SNAP47: variants seen among roughly 807,000 people sequenced by gnomAD.
The protein encoded by SNAP47 is synaptosomal-associated protein 47.
Under a neutral mutation model 31.4 loss-of-function variants are expected in SNAP47, and 20 were observed. The ratio of observed to expected loss-of-function variants is 0.64; its 90% confidence interval spans 0.45 to 0.93. The LOEUF (loss-of-function observed/expected upper bound fraction) is 0.93. SNAP47 is among the 40% of genes least tolerant of loss of function. SNAP47 has a pLI of 0.00. For synonymous variants in SNAP47, 194 were observed against 213.4 expected, an observed-to-expected ratio of 0.91 and a Z score of 0.79; for missense variants, 492 against 528.5, an observed-to-expected ratio of 0.93 and a Z score of 0.68.
chr1:227,759,785 AT>A (rs1662946107), intron 3 of SNAP47: 1 of 409,516 alleles, frequency 2.4e-6, no homozygotes, highest in African/African-American at 2.0e-5. Context: ...TCATGTGGAA[AT>A]TTGGTCGCCA....
At chr1:227,735,284 A>G (rs137953615), upstream of SNAP47, 319 of 1,606,366 alleles carry the variant, frequency 2.0e-4, no homozygotes, top group Admixed American at 7.5e-4. Context: ...CCAGCTCAGC[A>G]CGGGTCGAAG....
chr1:227,764,209 G>T (rs1225336441), intron 3 of SNAP47, among the ~76,000 whole-genome samples: 1 of 152,204 alleles, frequency 6.6e-6, no homozygotes, highest in Admixed American at 6.5e-5. Flanking sequence ...TTTCCTGGAA[G>T]AAATGTTAAA....
upstream of SNAP47, chr1:227,735,120 T>C (rs1395210219): frequency 6.3e-7 from 1 of 1,578,742 alleles, no homozygotes; most frequent in Non-Finnish European, 8.6e-7. Context: ...CAGGGCAGGT[T>C]GGGCAGCAAG....
chr1:227,734,587 A>C, upstream of SNAP47: 4 of 1,531,582 alleles, frequency 2.6e-6, no homozygotes, highest in Non-Finnish European at 3.6e-6. Flanking sequence ...CTTCATCAGA[A>C]AGGCCTCTGG....
At chr1:227,730,829 G>A (rs1660592997), upstream of SNAP47, 2 of 152,338 alleles carry the variant, frequency 1.3e-5, no homozygotes, top group African/African-American at 2.4e-5. Flanking sequence ...CCCTCATCAT[G>A]ACAGAAGCTG....
Position 227,761,625 on chromosome 1 carries a change from G to A in SNAP47, c.988+2140G>A, listed in dbSNP as rs916612948. 5.9e-5 allele frequency among the ~76,000 whole-genome samples: 9 copies of A among 152,208 alleles called. No homozygotes were observed. In the South Asian group the frequency reaches 8.3e-4, roughly 14 times the overall value. Reference sequence around the variant, plus strand: ...AGCAGAGGTCTTCACCCACATTCAAGGTAAATGGTACAGGCGTACTCCTGC... The same window carrying A: ...AGCAGAGGTCTTCACCCACATTCAAAGTAAATGGTACAGGCGTACTCCTGC... On this transcript the variant is annotated intron_variant, in intron 3 of 4. Coordinates refer to ENST00000617596, the MANE Select transcript of SNAP47 (RefSeq NM_053052.4).
chr1:227,735,407 C>T, upstream of SNAP47: 2 of 1,558,668 alleles, frequency 1.3e-6, no homozygotes, highest in Non-Finnish European at 8.6e-7. Flanking sequence ...CGGGCCTGCA[C>T]GCATGCGCGC....
At chr1:227,780,449 T>G in intron 4 of SNAP47, 78 bp from the exon 5 acceptor site, 1 of 1,583,198 alleles carries the variant, frequency 6.3e-7, no homozygotes, top group Non-Finnish European at 8.6e-7. Context: ...CTCTTGGGTG[T>G]GTGAGAGGGG....
At chr1:227,729,823 G>A (rs548569260) in intron 1 of SNAP47, among the ~76,000 whole-genome samples, 5 of 152,294 alleles carry the variant, frequency 3.3e-5, no homozygotes, top group South Asian at 4.1e-4. Context: ...ACGTGCTGGA[G>A]GAGCCCCTAG....
At chr1:227,735,293 A>C, upstream of SNAP47, 4 of 1,605,766 alleles carry the variant, frequency 2.5e-6, no homozygotes, top group Non-Finnish European at 3.4e-6. Flanking sequence ...CACGGGTCGA[A>C]GGACCCTCCT....
intron 2 of SNAP47, among the ~76,000 whole-genome samples, chr1:227,752,402 C>T (rs1003043170): frequency 4.6e-5 from 7 of 152,034 alleles, no homozygotes; most frequent in Non-Finnish European, 8.8e-5. Context: ...GCCACTCTCT[C>T]CCCGCTTCCC....
intron 4 of SNAP47, among the ~76,000 whole-genome samples, chr1:227,768,742 G>A (rs937642350): frequency 2.6e-5 from 4 of 152,302 alleles, no homozygotes; most frequent in East Asian, 1.9e-4. Context: ...CCTGGGTCTC[G>A]TTTGCTCAGG....
intron 4 of SNAP47, among the ~76,000 whole-genome samples, chr1:227,772,109 C>T (rs370294679): frequency 9.8e-4 from 149 of 152,126 alleles, no homozygotes; most frequent in Admixed American, 2.2e-3. Context: ...GCCAAGTGTG[C>T]GGGGCAAGTG....
At chr1:227,734,949 C>G (rs1660975814), upstream of SNAP47, 1 of 1,495,052 alleles carries the variant, frequency 6.7e-7, no homozygotes, top group East Asian at 2.4e-5. Flanking sequence ...TAGGCGGGGG[C>G]CTCCCGGGCC....
chr1:227,755,129 A>G (rs554881938), intron 2 of SNAP47, among the ~76,000 whole-genome samples: 3 of 152,182 alleles, frequency 2.0e-5, no homozygotes, highest in Non-Finnish European at 4.4e-5. Flanking sequence ...GGCCACCTAT[A>G]AGACCTAATC....
upstream of SNAP47, chr1:227,732,261 T>C (rs1305735107): frequency 5.5e-6 from 6 of 1,096,110 alleles, no homozygotes; most frequent in East Asian, 2.4e-5. Flanking sequence ...GCAGTGGCCA[T>C]GAACAGCCAG....
chr1:227,744,896 C>T (rs1661861085), intron 1 of SNAP47, among the ~76,000 whole-genome samples: 1 of 152,190 alleles, frequency 6.6e-6, no homozygotes. Flanking sequence ...CAACTGTCAG[C>T]CCCACTCAGG....
In SNAP47 at chr1:227,763,662, C is replaced by G. The variant is rs905041323; in HGVS notation, c.989-3297C>G. Among the ~76,000 whole-genome samples the G allele has an allele frequency of 6.6e-6, 1 of 152,198 alleles. No individual in the cohort carries two copies. The highest frequency in any genetic ancestry group is 2.1e-4 in the South Asian group (1 of 4,832). ...CTATCAGAGGATGCCGCTCAGCCCC[C>G]ACCTGCGCGTGCGTATTGGTTGAGT... On this transcript the variant is annotated intron_variant, in intron 3 of 4. Coordinates refer to ENST00000617596, the MANE Select transcript of SNAP47 (RefSeq NM_053052.4). The surrounding 1 kb of genome is among the most constrained non-coding windows in gnomAD (Gnocchi z 4.2).
intron 2 of SNAP47, among the ~76,000 whole-genome samples, chr1:227,758,369 G>A (rs1379718951): frequency 6.6e-6 from 1 of 152,232 alleles, no homozygotes; most frequent in Non-Finnish European, 1.5e-5. Flanking sequence ...CCCCACACCT[G>A]TAGATGCTCA....
Sources: gnomAD v4.1 joint callset for allele counts (sites outside exome capture counted in the v4.1 genomes callset) on GRCh38, gnomAD v4.1.1 for gene constraint, Gnocchi (gnomAD v3.1) non-coding constraint, MANE v1.5 for transcripts, NCBI Gene and HGNC (gene_info 2026-07-23, HGNC 2026-07-21) for gene names.